The following AFDN variants were observed in gnomAD, a reference collection of about 807,000 sequenced individuals.
AFDN encodes the protein afadin.
AFDN carries 68 observed loss-of-function variants against 216.6 expected under a neutral mutation model. That is an observed-to-expected ratio of 0.31 (90% CI 0.26 to 0.38). AFDN has a LOEUF of 0.38. AFDN is among the 10% of genes least tolerant of loss of function. AFDN has a pLI of 1.00. For synonymous variants in AFDN, 868 were observed against 853.7 expected (o/e 1.02, Z -0.29); for missense variants, 2,136 against 2,342.0 (o/e 0.91, Z 1.82).
Position 167,962,656 on chromosome 6 carries a change from G to A in AFDN, c.4968+89G>A. On this transcript the variant is annotated intron_variant, in intron 31 of 33. Transcript: ENST00000683244. The surrounding 1 kb of genome is among the most constrained non-coding windows in gnomAD (Gnocchi z 5.2). ...GGGCAGAGCGGGCTGGAAGTTCTGT[G>A]TTTCTTAAGAAGCACGAGGCAGAGC... 1 of 1,595,298 alleles carries A rather than the reference G, an allele frequency of 6.3e-7. No homozygotes were observed. The highest frequency in any genetic ancestry group is 8.6e-7 in the Non-Finnish European group (1 of 1,167,552).
rs1562672690 is a variant in AFDN at position 167,918,888 on chromosome 6, A to G, written c.2863A>G (p.Ile955Val). Reference sequence around the variant, plus strand: ...TTATTCTTGTGATGTTGTCAGAAACATTCCAAATGGTTTACAAGAATTTTT... The same window carrying G: ...TTATTCTTGTGATGTTGTCAGAAACGTTCCAAATGGTTTACAAGAATTTTT... ...DGYSCDVVRNIPNGLQEFLDP... is the reference protein window; with the variant it reads ...DGYSCDVVRNVPNGLQEFLDP... Residue 955 changes from isoleucine (I) to valine (V), a missense_variant, in exon 21 of 34, where the codon ATT becomes GTT. Ile to Val is a conservative substitution (Grantham distance 29, BLOSUM62 3). Around this residue, in one of 8 missense-constraint regions of AFDN, gnomAD observed 162 missense variants for 182.6 expected, o/e 0.89. Transcript: ENST00000683244. 5 of 1,614,118 alleles carry G rather than the reference A, an allele frequency of 3.1e-6. No individual in the cohort carries two copies. The highest frequency in any genetic ancestry group is 4.2e-6 in the Non-Finnish European group (5 of 1,179,994).
chr6:167,898,610 T>C lies in AFDN; in HGVS notation c.1580+143T>C, dbSNP rs1788569193. ...AAGTTTGTGATTTTGGTTCCTATTG[T>C]TAACTTGGGTTGGTTTTAGAGGAAA... On this transcript the variant is annotated intron_variant, in intron 11 of 33. Transcript: ENST00000683244. 4 of 964,190 alleles carry C rather than the reference T, an allele frequency of 4.1e-6. No homozygotes were observed. In the Admixed American group the frequency reaches 1.2e-4, roughly 29 times the overall value. The allele number at this position is 964,190 out of a possible 1,614,324, so 59.7% of individuals were successfully genotyped here.
intron 5 of AFDN, among the ~76,000 whole-genome samples, chr6:167,877,021 C>G (rs1785463967): frequency 6.6e-6 from 1 of 152,126 alleles, no homozygotes; most frequent in African/African-American, 2.4e-5. Context: ...TGATTAGGAG[C>G]AGGCATGCCC....
chr6:167,832,686 G>T (rs143506824), intron 1 of AFDN, among the ~76,000 whole-genome samples: 1 of 152,182 alleles, frequency 6.6e-6, no homozygotes, highest in African/African-American at 2.4e-5. Flanking sequence ...ATTTATGCAT[G>T]TATGTCATGA....
intron 32 of AFDN, among the ~76,000 whole-genome samples, chr6:167,966,927 CTT>C (rs1265463645): frequency 1.3e-5 from 2 of 152,228 alleles, no homozygotes; most frequent in African/African-American, 2.4e-5. Flanking sequence ...TACTTGCACT[CTT>C]AGCACCTAGT....
chr6:167,914,871 T>A, intron 18 of AFDN, 133 bp downstream of exon 18: 1 of 682,920 alleles, frequency 1.5e-6, no homozygotes, highest in Non-Finnish European at 2.4e-6. Context: ...CAATCTTTAA[T>A]AAATTTTAAC....
At chr6:167,904,886 C>T (rs1253617322) in intron 12 of AFDN, among the ~76,000 whole-genome samples, 2 of 152,172 alleles carry the variant, frequency 1.3e-5, no homozygotes, top group Non-Finnish European at 2.9e-5. Context: ...GTTCTGCTTT[C>T]GAAGCCCCTG....
chr6:167,930,704 A>G (rs931291443), intron 23 of AFDN, among the ~76,000 whole-genome samples: 3 of 152,192 alleles, frequency 2.0e-5, no homozygotes, highest in Admixed American at 1.3e-4. Flanking sequence ...TGCCCTGAGT[A>G]GTTCTGCTAT....
intron 21 of AFDN, among the ~76,000 whole-genome samples, chr6:167,922,612 C>A (rs1008740629): frequency 6.6e-6 from 1 of 152,116 alleles, no homozygotes; most frequent in Non-Finnish European, 1.5e-5. Context: ...GAAAAAAGTT[C>A]TTTTGGAACA....
chr6:167,939,674 A>G (rs1794448216), intron 23 of AFDN, among the ~76,000 whole-genome samples: 1 of 152,232 alleles, frequency 6.6e-6, no homozygotes, highest in African/African-American at 2.4e-5. Flanking sequence ...GCCAAGTTGT[A>G]GAATTAAAGT....
At chr6:167,914,423 T>G in intron 17 of AFDN, 110 bp downstream of exon 17, 2 of 1,396,188 alleles carry the variant, frequency 1.4e-6, no homozygotes, top group South Asian at 1.4e-5. Context: ...TGATTGAAGG[T>G]GAATATAAAG....
chr6:167,843,990 T>G (rs760275222), intron 1 of AFDN, among the ~76,000 whole-genome samples: 34 of 149,078 alleles, frequency 2.3e-4, no homozygotes, highest in Admixed American at 5.3e-4. Context: ...TAGCAAGAGA[T>G]ATGGAGAGCT....
At chr6:167,949,722 C>T (rs2128672642) in intron 29 of AFDN, among the ~76,000 whole-genome samples, 1 of 152,294 alleles carries the variant, frequency 6.6e-6, no homozygotes, top group African/African-American at 2.4e-5. Context: ...GAATCTGCTT[C>T]CCATATGTCA....
At chr6:167,911,797 A>C (rs1790435081) in intron 15 of AFDN, 1 of 375,092 alleles carries the variant, frequency 2.7e-6, no homozygotes, top group African/African-American at 2.1e-5. Flanking sequence ...GTTGAGATGA[A>C]GTTCATATAA....
intron 30 of AFDN, among the ~76,000 whole-genome samples, chr6:167,961,306 C>G (rs1293293301): frequency 2.0e-5 from 3 of 152,152 alleles, no homozygotes; most frequent in African/African-American, 7.2e-5. Context: ...GTGGGTGTTC[C>G]TGTAGCACAG....
intron 11 of AFDN, among the ~76,000 whole-genome samples, chr6:167,900,925 T>C (rs1407816408): frequency 6.6e-6 from 1 of 152,184 alleles, no homozygotes; most frequent in Non-Finnish European, 1.5e-5. Context: ...TTGCAGAAAG[T>C]TGTGTGCAGA....
At chr6:167,873,020 C>T (rs1272546135) in intron 4 of AFDN, among the ~76,000 whole-genome samples, 1 of 152,230 alleles carries the variant, frequency 6.6e-6, no homozygotes, top group Non-Finnish European at 1.5e-5. Context: ...TTTTCACCCT[C>T]AGCAGTTTTT....
At chr6:167,894,787 A>T (rs1216324526) in intron 9 of AFDN, among the ~76,000 whole-genome samples, 3 of 152,318 alleles carry the variant, frequency 2.0e-5, no homozygotes, top group South Asian at 2.1e-4. Context: ...AAATCTGTTG[A>T]TGTAGAAAGG....
chr6:167,952,558 A>T (rs73788656), intron 30 of AFDN: 3 of 969,060 alleles, frequency 3.1e-6, no homozygotes, highest in African/African-American at 1.8e-5. Context: ...GGCCAGATTG[A>T]TACTTTAGGC....
Sources: allele counts gnomAD v4.1 joint callset (sites outside exome capture counted in the v4.1 genomes callset), GRCh38; gene constraint gnomAD v4.1.1; regional missense constraint gnomAD v4.1.1; non-coding constraint Gnocchi (gnomAD v3.1); transcripts MANE v1.5; gene names NCBI Gene and HGNC (gene_info 2026-07-23, HGNC 2026-07-21).